SPART: variants seen among roughly 807,000 people sequenced by gnomAD.
The protein encoded by SPART is spartin, also known as spastic paraplegia 20 (Troyer syndrome).
Under a neutral mutation model 58.7 loss-of-function variants are expected in SPART, and 35 were observed. That is an observed-to-expected ratio of 0.60 (90% confidence interval 0.46 to 0.79). The LOEUF (loss-of-function observed/expected upper bound fraction) is 0.79, where lower values mean the gene tolerates loss of function less well. Ranked by LOEUF, SPART falls within the 30% of genes least tolerant of loss-of-function variation. SPART has a pLI of 0.00. For missense variants in SPART, 730 were observed against 786.1 expected, an observed-to-expected ratio of 0.93 and a Z score of 0.85; for synonymous variants, 284 against 280.7, an observed-to-expected ratio of 1.01 and a Z score of -0.12.
rs1476510831 is a variant in SPART at position 36,335,316 on chromosome 13, G to C, written c.515C>G (p.Pro172Arg). 5 of 1,613,906 alleles carry C rather than the reference G, an allele frequency of 3.1e-6. No homozygotes were observed. The East Asian group carries it at 1.1e-4, about 36-fold the overall frequency. ...TTCAGCAGCTTGAGGAGTATAAGCAGGAGGAGCTTCTGCTGGACAACTTTG... is the reference window on the plus strand; with the variant it reads ...TTCAGCAGCTTGAGGAGTATAAGCACGAGGAGCTTCTGCTGGACAACTTTG... Reference protein sequence around the residue: ...PSQSCPAEAPPAYTPQAAEGH... With the variant: ...PSQSCPAEAPRAYTPQAAEGH... The change falls in exon 2 of 9, where the codon CCT becomes CGT. Residue 172 changes from proline to arginine, a missense_variant. By Grantham distance (103) the Pro-to-Arg change is moderately radical. Coordinates refer to ENST00000438666, the MANE Select transcript of SPART (RefSeq NM_015087.5).
chr13:36,344,538 T>C (rs1433924678), intron 1 of SPART, among the ~76,000 whole-genome samples: 4 of 152,154 alleles, frequency 2.6e-5, no homozygotes, highest in Non-Finnish European at 4.4e-5. Context: ...TTCAGTCTAA[T>C]CTCTGGGGAA....
In SPART at chr13:36,335,613, G is replaced by T. The variant is rs1325855602; in HGVS notation, c.218C>A (p.Ser73Tyr). Residue 73 changes from serine (S) to tyrosine (Y), a missense_variant, in exon 2 of 9, where the codon TCT (serine) becomes TAT (tyrosine). Physicochemically the swap from Ser to Tyr is moderately radical, Grantham distance 144. Coordinates refer to ENST00000438666, the MANE Select transcript of SPART (RefSeq NM_015087.5). Reference protein sequence around the residue: ...ESEHTGPGWESARQMQQKMKE... With the variant: ...ESEHTGPGWEYARQMQQKMKE... ...CATTTTCTGTTGCATCTGTCTAGCA[G>T]ATTCCCACCCAGGACCTGTGTGTTC... 1 of 1,613,912 alleles carries T rather than the reference G, an allele frequency of 6.2e-7. No individual in the cohort carries two copies. The highest frequency in any genetic ancestry group is 8.5e-7 in the Non-Finnish European group (1 of 1,179,964).
At chr13:36,367,521 A>G (rs9315414) in intron 1 of SPART, among the ~76,000 whole-genome samples, 12,720 of 152,092 alleles carry the variant, frequency 0.084, 762 homozygotes, top group Middle Eastern at 0.13. Flanking sequence ...TTGGAGACCC[A>G]TCCCTCTGTC....
upstream of SPART, among the ~76,000 whole-genome samples, chr13:36,349,579 T>C (rs1315585072): frequency 1.3e-5 from 2 of 152,200 alleles, no homozygotes; most frequent in Non-Finnish European, 2.9e-5. Flanking sequence ...AGGATTTGGT[T>C]TGCTCCTCAG....
intron 1 of SPART, among the ~76,000 whole-genome samples, chr13:36,363,695 C>T (rs917196052): frequency 1.3e-5 from 2 of 152,002 alleles, no homozygotes; most frequent in East Asian, 1.9e-4. Flanking sequence ...CTGGCAACAC[C>T]GAATCAGCTC....
chr13:36,366,843 A>G (rs2137735981), intron 1 of SPART, among the ~76,000 whole-genome samples: 2 of 152,250 alleles, frequency 1.3e-5, no homozygotes, highest in South Asian at 4.1e-4. Context: ...TCCTCCACTC[A>G]TCAGAGCCGT....
chr13:36,339,302 G>A (rs191750649), intron 1 of SPART, among the ~76,000 whole-genome samples: 3 of 152,094 alleles, frequency 2.0e-5, no homozygotes, highest in African/African-American at 7.2e-5. Context: ...AGAGCAAAAA[G>A]ACAGAGATGA....
At chr13:36,358,673 G>T (rs1418541335) in intron 1 of SPART, among the ~76,000 whole-genome samples, 5 of 152,132 alleles carry the variant, frequency 3.3e-5, no homozygotes, top group Admixed American at 6.6e-5. Context: ...GAGCATCACT[G>T]AACTATATTT....
chr13:36,351,602 G>A (rs958030129), intron 1 of SPART, among the ~76,000 whole-genome samples: 5 of 152,110 alleles, frequency 3.3e-5, no homozygotes, highest in Admixed American at 2.0e-4. Flanking sequence ...AAATGTTCTC[G>A]GAAGAAAAAT....
Position 36,338,744 on chromosome 13 carries a change from C to T in SPART, c.-2-2912G>A, listed in dbSNP as rs541600176. On this transcript the variant is annotated intron_variant, in intron 1 of 8. Transcript: ENST00000438666. Reference sequence around the variant, plus strand: ...TTGAGACCCACAGCCTTCTTCCCCACAACTTGGTAATTAGAGTTTTGGCTG... The same window carrying T: ...TTGAGACCCACAGCCTTCTTCCCCATAACTTGGTAATTAGAGTTTTGGCTG... 1.1e-4 allele frequency among the ~76,000 whole-genome samples: 16 copies of T among 152,272 alleles called. No individual in the cohort carries two copies. The South Asian group carries it at 3.3e-3, about 32-fold the overall frequency.
intron 6 of SPART, 155 bp downstream of exon 6, chr13:36,314,072 C>T (rs1403451244): frequency 2.9e-5 from 21 of 732,070 alleles, no homozygotes; most frequent in African/African-American, 5.3e-5. Context: ...GTTGCTGGTC[C>T]GCAGGTCTCA....
intron 8 of SPART, among the ~76,000 whole-genome samples, chr13:36,306,154 T>C (rs777794037): frequency 1.6e-4 from 24 of 152,156 alleles, no homozygotes; most frequent in South Asian, 2.1e-4. Context: ...CTACTCTTAA[T>C]TGGGGGCCTT....
At chr13:36,321,657 A>G (rs1313082126) in intron 5 of SPART, among the ~76,000 whole-genome samples, 3 of 151,800 alleles carry the variant, frequency 2.0e-5, no homozygotes, top group African/African-American at 7.3e-5. Context: ...TTCTCTCTCC[A>G]TATCACCCCC....
intron 1 of SPART, among the ~76,000 whole-genome samples, chr13:36,337,866 A>G (rs1884172434): frequency 6.6e-6 from 1 of 152,238 alleles, no homozygotes; most frequent in Admixed American, 6.5e-5. Flanking sequence ...TGAAAAGGTT[A>G]AAGTTTTCAA....
Position 36,352,107 on chromosome 13 carries a change from G to A in SPART, c.-2-16275C>T, listed in dbSNP as rs557383473. 9.2e-5 allele frequency among the ~76,000 whole-genome samples: 14 copies of A among 152,222 alleles called. No individual in the cohort carries two copies. In the South Asian group the frequency reaches 2.9e-3, roughly 32 times the overall value. ...TGTTGAGGGTTAATGTTTTAATAAT[G>A]TTCTAAAAGTTGTACATGAGGTAAG... On this transcript the variant is annotated intron_variant, in intron 1 of 8. Transcript: ENST00000355182.
Position 36,303,825 on chromosome 13 carries a change from CCT to C in SPART, c.*538_*539del, listed in dbSNP as rs1209871790. ...CCATTTTACTTTTCATCAGTCTTTC[CCT>C]GTTTTGAACAAGTTTTTTTGAGAAT... is the stretch of plus-strand genomic sequence containing the variant. On this transcript the variant is annotated 3_prime_UTR_variant, in exon 9 of 9. Transcript: ENST00000438666. 4 of 154,056 alleles carry C rather than the reference CCT, an allele frequency of 2.6e-5. No individual in the cohort carries two copies. The highest frequency in any genetic ancestry group is 9.7e-5 in the African/African-American group (4 of 41,394). The allele number at this position is 154,056 out of a possible 1,614,324, so 9.5% of individuals were successfully genotyped here. A position where few individuals can be genotyped will look rare whatever the true frequency, so the allele number is the denominator to read the frequency against.
chr13:36,327,018 C>T (rs1883000000), intron 4 of SPART, among the ~76,000 whole-genome samples: 1 of 152,030 alleles, frequency 6.6e-6, no homozygotes, highest in Non-Finnish European at 1.5e-5. Flanking sequence ...GATATCATCC[C>T]TAGATATTAG....
intron 5 of SPART, among the ~76,000 whole-genome samples, chr13:36,322,529 A>C (rs1882515309): frequency 6.6e-6 from 1 of 152,210 alleles, no homozygotes; most frequent in Non-Finnish European, 1.5e-5. Context: ...CTGAACCCTA[A>C]GATTATATAG....
intron 5 of SPART, among the ~76,000 whole-genome samples, chr13:36,324,803 G>A (rs1388740263): frequency 1.3e-5 from 2 of 152,278 alleles, no homozygotes; most frequent in East Asian, 3.9e-4. Context: ...GATAAGGGTG[G>A]GGCCGTTTTA....
Sources: gnomAD v4.1 joint callset for allele counts (sites outside exome capture counted in the v4.1 genomes callset) on GRCh38, gnomAD v4.1.1 for gene constraint, MANE v1.5 for transcripts, NCBI Gene and HGNC (gene_info 2026-07-23, HGNC 2026-07-21) for gene names.